Variants in PHACTR3 observed in about 807,000 individuals in gnomAD.
The protein encoded by PHACTR3 is phosphatase and actin regulator 3, also known as protein phosphatase 1, regulatory subunit 123.
Under a neutral mutation model 66.8 loss-of-function variants are expected in PHACTR3, and 16 were observed. The observed-to-expected ratio is 0.24, with a 90% CI of 0.16 to 0.36. The LOEUF (loss-of-function observed/expected upper bound fraction) is 0.36, where lower values mean the gene tolerates loss of function less well. Ranked by LOEUF, PHACTR3 falls within the 10% of genes least tolerant of loss-of-function variation. The probability of loss-of-function intolerance (pLI) is 1.00; values close to 1 mark genes in which losing one functional copy is unlikely to be tolerated. For synonymous variants in PHACTR3, 323 were observed against 292.1 expected, an observed-to-expected ratio of 1.11 and a Z score of -1.08; for missense variants, 647 against 719.9, an observed-to-expected ratio of 0.90 and a Z score of 1.16.
At chr20:59,719,183 T>TGAAACA (rs977766641) in intron 1 of PHACTR3, among the ~76,000 whole-genome samples, 6 of 152,310 alleles carry the variant, frequency 3.9e-5, no homozygotes, top group Admixed American at 3.9e-4. Flanking sequence ...TCTTTTTTTT[T>TGAAACA]GAAACAGAAT....
intron 1 of PHACTR3, among the ~76,000 whole-genome samples, chr20:59,585,013 T>C (rs995940056): frequency 6.6e-6 from 1 of 151,846 alleles, no homozygotes; most frequent in Non-Finnish European, 1.5e-5. Context: ...CTTCAACATA[T>C]ACATATTAGG....
chr20:59,645,608 G>A lies in PHACTR3; in HGVS notation c.118+40476G>A, dbSNP rs377573769. Among the ~76,000 whole-genome samples the A allele has an allele frequency of 6.0e-4, 92 of 152,078 alleles. 1 individual carries two copies. Among genetic ancestry groups the A allele is most frequent in the African/African-American group, 2.1e-3 (86 of 41,464 alleles). ...CACCATCTGGACATATGTTATTCAC[G>A]CACAATTAAATGTTGCTTATATTGC... On this transcript the variant is annotated intron_variant, in intron 1 of 12. Transcript: ENST00000371015.
At position 59,808,020 on chromosome 20, in the gene PHACTR3, G is replaced by A. The variant is rs143781932; in HGVS notation, c.1328+1826G>A. On this transcript the variant is annotated intron_variant, in intron 8 of 12. Coordinates refer to ENST00000371015, the MANE Select transcript of PHACTR3 (RefSeq NM_080672.5). Reference sequence around the variant, plus strand: ...TGGGCTGGAGTTGGACTGTCTCATGGGGCAGGACAGAGTGGAGCTGCTGCG... The same window carrying A: ...TGGGCTGGAGTTGGACTGTCTCATGAGGCAGGACAGAGTGGAGCTGCTGCG... Among the ~76,000 whole-genome samples, 891 of 152,300 alleles carry A rather than the reference G, an allele frequency of 5.9e-3. 7 individuals are homozygous for A. The highest frequency in any genetic ancestry group is 0.02 in the African/African-American group (844 of 41,566).
chr20:59,782,663 A>G (rs2040762850), intron 7 of PHACTR3, among the ~76,000 whole-genome samples: 1 of 152,072 alleles, frequency 6.6e-6, no homozygotes, highest in Non-Finnish European at 1.5e-5. Flanking sequence ...CCCTCATAAA[A>G]CCACCAGATC....
intron 1 of PHACTR3, among the ~76,000 whole-genome samples, chr20:59,734,999 G>A (rs1218015732): frequency 6.6e-6 from 1 of 151,774 alleles, no homozygotes; most frequent in Admixed American, 6.6e-5. Flanking sequence ...TTTTCTCAGT[G>A]GTCACTGAGT....
intron 1 of PHACTR3, among the ~76,000 whole-genome samples, chr20:59,631,700 A>G (rs1434862875): frequency 6.6e-6 from 1 of 152,230 alleles, no homozygotes; most frequent in Non-Finnish European, 1.5e-5. Flanking sequence ...CCAAAGAGTC[A>G]GGAAGGCCAT....
At chr20:59,686,076 A>C (rs771027520) in intron 1 of PHACTR3, among the ~76,000 whole-genome samples, 1 of 152,182 alleles carries the variant, frequency 6.6e-6, no homozygotes, top group Non-Finnish European at 1.5e-5. Flanking sequence ...AACTTTTCCA[A>C]TGTGACGGTT....
chr20:59,813,024 G>A (rs1168673161), intron 8 of PHACTR3, among the ~76,000 whole-genome samples: 2 of 152,222 alleles, frequency 1.3e-5, no homozygotes, highest in Non-Finnish European at 1.5e-5. Flanking sequence ...TGTGGACAGG[G>A]CCGGGAAGCT....
chr20:59,673,405 T>A (rs2036262854), intron 1 of PHACTR3, among the ~76,000 whole-genome samples: 1 of 152,214 alleles, frequency 6.6e-6, no homozygotes, highest in African/African-American at 2.4e-5. Flanking sequence ...GATCTCTTCC[T>A]GATGGCCGAG....
At chr20:59,744,715 C>A (rs971576569) in intron 2 of PHACTR3, among the ~76,000 whole-genome samples, 1 of 152,194 alleles carries the variant, frequency 6.6e-6, no homozygotes, top group African/African-American at 2.4e-5. Flanking sequence ...TAGATGAATT[C>A]TTGTTGAAGT....
chr20:59,587,369 G>A (rs1339175565), intron 1 of PHACTR3, among the ~76,000 whole-genome samples: 1 of 152,352 alleles, frequency 6.6e-6, no homozygotes, highest in East Asian at 1.9e-4. Flanking sequence ...GCTCTGCCCC[G>A]AGTCCCAGTG....
intron 4 of PHACTR3, among the ~76,000 whole-genome samples, chr20:59,764,176 A>C (rs566417443): frequency 6.6e-6 from 1 of 152,222 alleles, no homozygotes; most frequent in African/African-American, 2.4e-5. Context: ...GAGATCAGAC[A>C]TAGAAGATAG....
chr20:59,667,209 T>A (rs76417659), intron 1 of PHACTR3, among the ~76,000 whole-genome samples: 1,621 of 152,336 alleles, frequency 0.011, 30 homozygotes, highest in African/African-American at 0.036. Context: ...TCGCAGGGCA[T>A]GAGGCAGGGG....
At chr20:59,594,240 T>G (rs2033263736) in intron 1 of PHACTR3, among the ~76,000 whole-genome samples, 1 of 152,244 alleles carries the variant, frequency 6.6e-6, no homozygotes, top group South Asian at 2.1e-4. Flanking sequence ...ACTTGCTCAT[T>G]GCTGGTTTAT....
At chr20:59,647,607 C>T (rs2035325166) in intron 1 of PHACTR3, among the ~76,000 whole-genome samples, 1 of 152,112 alleles carries the variant, frequency 6.6e-6, no homozygotes, top group Non-Finnish European at 1.5e-5. Flanking sequence ...TGATCCCTTT[C>T]CATCTCTTTC....
At chr20:59,730,409 C>T (rs566356874) in intron 1 of PHACTR3, among the ~76,000 whole-genome samples, 51 of 152,236 alleles carry the variant, frequency 3.4e-4, no homozygotes, top group African/African-American at 1.1e-3. Context: ...GAAATGGAGG[C>T]CAGGGCTCTG....
chr20:59,603,220 T>A (rs963852992), upstream of PHACTR3, among the ~76,000 whole-genome samples: 1 of 152,188 alleles, frequency 6.6e-6, no homozygotes, highest in Non-Finnish European at 1.5e-5. Context: ...TTGGTGACCA[T>A]TCTCGGCTTC....
Position 59,736,776 on chromosome 20 carries a change from C to A in PHACTR3, c.119-6331C>A, listed in dbSNP as rs2038960545. ...TCTGAGCAGCACTATTTTGAAGTTT[C>A]TCTTCTTGGGCGGAGAGTCATAGCT... On this transcript the variant is annotated intron_variant, in intron 1 of 12. Coordinates refer to ENST00000371015, the MANE Select transcript of PHACTR3 (RefSeq NM_080672.5). The surrounding 1 kb of genome is among the most constrained non-coding windows in gnomAD (Gnocchi z 4.6). 6.6e-6 allele frequency among the ~76,000 whole-genome samples: 1 copy of A among 152,170 alleles called. No homozygotes were observed. Among genetic ancestry groups the A allele is most frequent in the Admixed American group, 6.5e-5 (1 of 15,290 alleles).
chr20:59,638,627 G>A (rs1444242759), intron 1 of PHACTR3, among the ~76,000 whole-genome samples: 1 of 143,798 alleles, frequency 7.0e-6, no homozygotes, highest in Non-Finnish European at 1.5e-5. Context: ...GGATGGATTG[G>A]AGAATGGGTG....
Sources: allele counts gnomAD v4.1 joint callset (sites outside exome capture counted in the v4.1 genomes callset), GRCh38; gene constraint gnomAD v4.1.1; non-coding constraint Gnocchi (gnomAD v3.1); transcripts MANE v1.5; gene names NCBI Gene and HGNC (gene_info 2026-07-23, HGNC 2026-07-21).